The following SETBP1 variants were observed in gnomAD, a reference collection of about 807,000 sequenced individuals.
The protein encoded by SETBP1 is SET binding protein 1.
Under a neutral mutation model 101.0 loss-of-function variants are expected in SETBP1, and 9 were observed. That is an observed-to-expected ratio of 0.09 (90% CI 0.05 to 0.16). The LOEUF is 0.16. Among genes scored for constraint, SETBP1 ranks in the 10% least tolerant of loss-of-function variants. SETBP1 has a pLI of 1.00. For missense variants in SETBP1, 1,858 were observed against 2,033.8 expected, an observed-to-expected ratio of 0.91 and a Z score of 1.66; for synonymous variants, 818 against 788.5, an observed-to-expected ratio of 1.04 and a Z score of -0.63.
At chr18:44,932,334 G>T (rs1330929816) in intron 3 of SETBP1, among the ~76,000 whole-genome samples, 2 of 152,184 alleles carry the variant, frequency 1.3e-5, no homozygotes, top group Admixed American at 1.3e-4. Context: ...GCTTCCCTTT[G>T]TGGGTAACCC....
chr18:44,751,748 C>A (rs1378860759), intron 2 of SETBP1, among the ~76,000 whole-genome samples: 1 of 152,194 alleles, frequency 6.6e-6, no homozygotes, highest in Non-Finnish European at 1.5e-5. Flanking sequence ...ACCAGGCAGG[C>A]GTATTAGTCT....
chr18:45,058,521 C>T (rs887735032), intron 5 of SETBP1, among the ~76,000 whole-genome samples: 2 of 152,166 alleles, frequency 1.3e-5, no homozygotes, highest in African/African-American at 4.8e-5. Flanking sequence ...TCTGGTTCAG[C>T]CATCCAATGT....
Position 45,062,986 on chromosome 18 carries a change from A to G in SETBP1, c.4172-93A>G, listed in dbSNP as rs2073912234. 9 of 1,542,412 alleles carry G rather than the reference A, an allele frequency of 5.8e-6. No homozygotes were observed. In the South Asian group the frequency reaches 9.1e-5, roughly 16 times the overall value. On this transcript the variant is annotated intron_variant, in intron 5 of 5. Transcript: ENST00000649279. ...ATAGCATTAATTCTCTATAATCTTTATAGCCAAGTAGAATGCTAGCTGTCA... is the reference window on the plus strand; with the variant it reads ...ATAGCATTAATTCTCTATAATCTTTGTAGCCAAGTAGAATGCTAGCTGTCA...
rs367973992 is a variant in SETBP1, at chr18:44,958,297, C to A, written c.4000+4957C>A. On this transcript the variant is annotated intron_variant, in intron 4 of 5. Transcript: ENST00000649279. ...CAGGTACCACTGGTTGTATATTAAT[C>A]TATGAGACTCATCCCATTCATCTTT... Among the ~76,000 whole-genome samples the A allele has an allele frequency of 6.6e-5, 10 of 152,292 alleles. No homozygotes were observed. In the South Asian group the frequency reaches 1.2e-3, roughly 19 times the overall value.
intron 4 of SETBP1, among the ~76,000 whole-genome samples, chr18:45,035,086 G>A (rs970025254): frequency 7.2e-5 from 11 of 151,914 alleles, no homozygotes; most frequent in African/African-American, 2.7e-4. Flanking sequence ...CCAGTAGCCT[G>A]CCCAATGCAC....
In SETBP1 at chr18:45,063,504, C is replaced by T. The variant is rs1211089708; in HGVS notation, c.4597C>T (p.Pro1533Ser). The change falls in exon 6 of 6, where the codon CCG (proline) becomes TCG (serine). Residue 1533 changes from proline to serine, a missense_variant. By Grantham distance (74) the Pro-to-Ser change is moderately conservative (BLOSUM62 -1). Coordinates refer to ENST00000649279, the MANE Select transcript of SETBP1 (RefSeq NM_015559.3). ...PPPPPPPLPPPPPPPLPPPPP... is the reference protein window; with the variant it reads ...PPPPPPPLPPSPPPPLPPPPP... ...GCCACCGCCGCCGCCCCTGCCGCCACCGCCGCCACCACCCCTGCCCCCGCC... is the reference window on the plus strand; with the variant it reads ...GCCACCGCCGCCGCCCCTGCCGCCATCGCCGCCACCACCCCTGCCCCCGCC... 3 of 1,416,742 alleles carry T rather than the reference C, an allele frequency of 2.1e-6. No individual in the cohort carries two copies. 87.8% of individuals were successfully genotyped at this position (1,416,742 alleles called of 1,614,324 possible).
At chr18:44,884,909 T>A (rs2069606506) in intron 3 of SETBP1, among the ~76,000 whole-genome samples, 1 of 152,196 alleles carries the variant, frequency 6.6e-6, no homozygotes, top group African/African-American at 2.4e-5. Context: ...TATGTCTGAT[T>A]ACTACGGTAA....
chr18:44,786,548 T>C (rs1167068185), intron 2 of SETBP1, among the ~76,000 whole-genome samples: 2 of 152,206 alleles, frequency 1.3e-5, no homozygotes, highest in Non-Finnish European at 2.9e-5. Context: ...TACTTTTGGA[T>C]AAATATGCCT....
At chr18:45,059,625 CT>C (rs1313318163) in intron 5 of SETBP1, among the ~76,000 whole-genome samples, 2 of 152,282 alleles carry the variant, frequency 1.3e-5, no homozygotes, top group Admixed American at 1.3e-4. Flanking sequence ...AGTTCTAGAT[CT>C]GTGCTGCCCC....
At chr18:44,802,387 A>G (rs2071625154) in intron 2 of SETBP1, among the ~76,000 whole-genome samples, 2 of 152,156 alleles carry the variant, frequency 1.3e-5, no homozygotes, top group South Asian at 2.1e-4. Flanking sequence ...AAGGCACAGG[A>G]TTGGGGACTT....
intron 2 of SETBP1, among the ~76,000 whole-genome samples, chr18:44,774,007 G>A (rs1194011598): frequency 1.3e-5 from 2 of 152,070 alleles, no homozygotes; most frequent in Admixed American, 6.6e-5. Flanking sequence ...GGACAACATG[G>A]CCATTCAATC....
intron 2 of SETBP1, among the ~76,000 whole-genome samples, chr18:44,774,093 C>T (rs976398740): frequency 6.6e-6 from 1 of 152,080 alleles, no homozygotes; most frequent in Admixed American, 6.5e-5. Flanking sequence ...AAGGGAGGCC[C>T]AAGATTTATA....
At chr18:44,979,025 G>A (rs1004198594) in intron 4 of SETBP1, among the ~76,000 whole-genome samples, 3 of 152,304 alleles carry the variant, frequency 2.0e-5, no homozygotes, top group African/African-American at 4.8e-5. Context: ...TTCAGAGTTG[G>A]TGCTTTTTCT....
At chr18:44,730,452 G>A (rs2069814467) in intron 2 of SETBP1, among the ~76,000 whole-genome samples, 3 of 152,220 alleles carry the variant, frequency 2.0e-5, no homozygotes, top group Non-Finnish European at 4.4e-5. Context: ...AGATGGGGTG[G>A]TATGCAGGAG....
intron 4 of SETBP1, chr18:44,988,101 T>C (rs1192694253): frequency 2.0e-5 from 3 of 152,116 alleles, no homozygotes; most frequent in Non-Finnish European, 4.4e-5. Flanking sequence ...GTAGAAAAAA[T>C]AGAAATATAT....
At chr18:44,881,621 A>G (rs1386433311) in intron 3 of SETBP1, among the ~76,000 whole-genome samples, 6 of 152,164 alleles carry the variant, frequency 3.9e-5, no homozygotes, top group Non-Finnish European at 7.4e-5. Context: ...CAGGGGCCTG[A>G]TGGGTTTTGT....
At chr18:45,037,570 C>G (rs1426503943) in intron 4 of SETBP1, among the ~76,000 whole-genome samples, 1 of 152,012 alleles carries the variant, frequency 6.6e-6, no homozygotes, top group Admixed American at 6.6e-5. Flanking sequence ...AAGTTTAAAA[C>G]GTGGAGAGAT....
intron 2 of SETBP1, among the ~76,000 whole-genome samples, chr18:44,752,804 T>C (rs2070414881): frequency 6.6e-6 from 1 of 152,192 alleles, no homozygotes; most frequent in Non-Finnish European, 1.5e-5. Context: ...GGTTCCAAGA[T>C]CATTGTCAAT....
chr18:44,799,754 T>G (rs1403913412), intron 2 of SETBP1, among the ~76,000 whole-genome samples: 2 of 152,126 alleles, frequency 1.3e-5, no homozygotes, highest in African/African-American at 4.8e-5. Context: ...ACAGCTAGCC[T>G]GGGGTGACCC....
Sources: gnomAD v4.1 joint callset for allele counts (sites outside exome capture counted in the v4.1 genomes callset) on GRCh38, gnomAD v4.1.1 for gene constraint, MANE v1.5 for transcripts, NCBI Gene and HGNC (gene_info 2026-07-23, HGNC 2026-07-21) for gene names.